The following USP43 variants were observed in gnomAD, a reference collection of about 807,000 sequenced individuals.
USP43 encodes the protein ubiquitin carboxyl-terminal hydrolase 43.
A neutral mutation model predicts 90.7 loss-of-function variants in USP43; 33 were observed. That is an observed-to-expected ratio of 0.36 (90% CI 0.28 to 0.49). The LOEUF (loss-of-function observed/expected upper bound fraction) is 0.49, where lower values mean the gene tolerates loss of function less well. USP43 is among the 20% of genes least tolerant of loss of function. USP43 has a pLI of 0.98. For missense variants in USP43, 1,274 were observed against 1,476.4 expected, an observed-to-expected ratio of 0.86 and a Z score of 2.25; for synonymous variants, 598 against 615.8, an observed-to-expected ratio of 0.97 and a Z score of 0.43.
chr17:9,718,877 G>A (rs1916766479), intron 14 of USP43, among the ~76,000 whole-genome samples: 1 of 151,590 alleles, frequency 6.6e-6, no homozygotes, highest in Non-Finnish European at 1.5e-5. Context: ...CCGTTTCTAT[G>A]CAGGCATACT....
At chr17:9,715,775 A>G (rs111067492) in intron 14 of USP43, among the ~76,000 whole-genome samples, 36 of 62,356 alleles carry the variant, frequency 5.8e-4, no homozygotes, top group African/African-American at 1.0e-3. Flanking sequence ...GTTTGTGTCT[A>G]TGTGTGTGTC....
intron 14 of USP43, among the ~76,000 whole-genome samples, chr17:9,716,965 G>A (rs181793494): frequency 1.3e-3 from 204 of 152,032 alleles, no homozygotes; most frequent in African/African-American, 4.5e-3. Flanking sequence ...GTGAAACCCC[G>A]TCTCTACTAA....
chr17:9,666,820 T>C (rs1201963848), intron 3 of USP43, 69 bp downstream of exon 3: 5 of 1,233,402 alleles, frequency 4.1e-6, no homozygotes, highest in Non-Finnish European at 5.8e-6. Context: ...GTAACCAGTC[T>C]CCCATTGACA....
intron 12 of USP43, among the ~76,000 whole-genome samples, chr17:9,708,257 A>C (rs1301876757): frequency 2.0e-5 from 3 of 152,144 alleles, no homozygotes; most frequent in Admixed American, 2.0e-4. Flanking sequence ...CATTTTTTCC[A>C]AAGGGGTGAT....
rs1917399576 is a variant in USP43, at chr17:9,728,501, G to A, written c.2883G>A (p.Met961Ile). ...TGAACTGGAAGGAGAGCTTCCAGAT[G>A]GGAAGCAAAAGCAGCCCACCCTCCC... ...KAMNWKESFQMGSKSSPPSPY... is the reference protein window; with the variant it reads ...KAMNWKESFQIGSKSSPPSPY... The change falls in exon 15 of 15, where the codon ATG (methionine) becomes ATA (isoleucine). Residue 961 changes from methionine to isoleucine, a missense_variant. By Grantham distance (10) the Met-to-Ile change is conservative. Coordinates refer to ENST00000285199, the MANE Select transcript of USP43 (RefSeq NM_153210.5). This position sits in a 1 kb window ranked among gnomAD's most constrained non-coding sequence, Gnocchi z 6.2. The A allele has an allele frequency of 1.2e-6, 2 of 1,613,732 alleles. No homozygotes were observed. Among genetic ancestry groups the A allele is most frequent in the African/African-American group, 1.3e-5 (1 of 74,938 alleles).
At chr17:9,675,547 G>T (rs896205246) in intron 4 of USP43, among the ~76,000 whole-genome samples, 2 of 152,120 alleles carry the variant, frequency 1.3e-5, no homozygotes, top group African/African-American at 4.8e-5. Context: ...TCAGTGTCCT[G>T]GCATGTGGGT....
intron 3 of USP43, 126 bp downstream of exon 3, chr17:9,666,877 C>T (rs1293316114): frequency 4.2e-6 from 3 of 718,284 alleles, no homozygotes; most frequent in Non-Finnish European, 7.3e-6. Flanking sequence ...ACACCCTTCT[C>T]TCTCCCATTA....
At chr17:9,652,215 A>G (rs1597810764) in intron 1 of USP43, among the ~76,000 whole-genome samples, 2 of 148,508 alleles carry the variant, frequency 1.3e-5, no homozygotes, top group Admixed American at 1.3e-4. Context: ...CTTAGCGCAA[A>G]AAAAAAAAAA....
At chr17:9,721,792 C>T (rs1001318406) in intron 14 of USP43, among the ~76,000 whole-genome samples, 3 of 144,810 alleles carry the variant, frequency 2.1e-5, no homozygotes, top group Admixed American at 7.1e-5. Context: ...GGTGTGATCT[C>T]GGCTCGCTGC....
At chr17:9,669,039 T>C (rs1913224415) in intron 3 of USP43, among the ~76,000 whole-genome samples, 1 of 150,906 alleles carries the variant, frequency 6.6e-6, no homozygotes, top group Non-Finnish European at 1.5e-5. Context: ...AGAGATGGGG[T>C]TTTACCATGT....
chr17:9,653,552 C>T (rs911811554), intron 1 of USP43, among the ~76,000 whole-genome samples: 4 of 151,272 alleles, frequency 2.6e-5, no homozygotes, highest in Non-Finnish European at 5.9e-5. Context: ...CGTGCCATTG[C>T]ACTCCAGCTG....
intron 2 of USP43, among the ~76,000 whole-genome samples, chr17:9,656,822 G>A (rs763665702): frequency 7.9e-5 from 12 of 152,156 alleles, no homozygotes; most frequent in East Asian, 1.9e-4. Flanking sequence ...TTTGTATTCC[G>A]TACATTAGTG....
intron 14 of USP43, among the ~76,000 whole-genome samples, chr17:9,727,060 C>T (rs1917308986): frequency 6.6e-6 from 1 of 152,020 alleles, no homozygotes; most frequent in Non-Finnish European, 1.5e-5. Context: ...TCCACCTCCA[C>T]CTCCCGGGTT....
intron 1 of USP43, among the ~76,000 whole-genome samples, chr17:9,651,592 G>T (rs943664723): frequency 2.6e-5 from 4 of 152,062 alleles, no homozygotes; most frequent in Admixed American, 2.6e-4. Flanking sequence ...GGAAGATTTC[G>T]ATTTATTTAT....
chr17:9,671,536 CA>C (rs1354616659), intron 3 of USP43, among the ~76,000 whole-genome samples: 1 of 152,180 alleles, frequency 6.6e-6, no homozygotes, highest in Non-Finnish European at 1.5e-5. Flanking sequence ...ACAAGAAATT[CA>C]GGGGCAAAGC....
Position 9,676,892 on chromosome 17 carries a change from A to G in USP43, c.969+11A>G. ...GTCCCTGCAGATGAGGTGTGATAGA[A>G]TTGCACTGGGGCCTGGTCATTGGAT... On this transcript the variant is annotated intron_variant, in intron 5 of 14. Transcript: ENST00000285199. 1 of 1,612,432 alleles carries G rather than the reference A, an allele frequency of 6.2e-7. No homozygotes were observed. The highest frequency in any genetic ancestry group is 8.5e-7 in the Non-Finnish European group (1 of 1,179,120).
At chr17:9,678,765 A>G (rs1202414444) in intron 5 of USP43, among the ~76,000 whole-genome samples, 2 of 149,158 alleles carry the variant, frequency 1.3e-5, no homozygotes, top group Non-Finnish European at 1.5e-5. Context: ...CTTTTAGAAG[A>G]TGATTCTTTT....
intron 1 of USP43, chr17:9,646,979 C>T (rs1326245176): frequency 2.7e-5 from 4 of 147,926 alleles, no homozygotes; most frequent in African/African-American, 1.0e-4. Context: ...TCACTTCACC[C>T]GGGATTAAAA....
Position 9,656,416 on chromosome 17 carries a change from A to G in USP43, c.518A>G (p.Lys173Arg). Residue 173 changes from lysine to arginine, a missense_variant, in exon 2 of 15, where the codon AAG becomes AGG. Physicochemically the swap from Lys to Arg is conservative, Grantham distance 26. Around this residue, in one of 6 missense-constraint regions of USP43, gnomAD observed 259 missense variants for 373.7 expected, o/e 0.69. Transcript: ENST00000285199. The part of the protein sequence containing the change: ...LSAEFKNAVS[K>R]YGSQFQGNSQ... ...TTTTCCTTTCAGAATGCAGTTTCCA[A>G]GTACGGCTCTCAGTTCCAAGGCAAT... 6.2e-7 allele frequency: 1 copy of G among 1,611,290 alleles called. No homozygotes were observed. The highest frequency in any genetic ancestry group is 8.5e-7 in the Non-Finnish European group (1 of 1,178,844).
Sources: allele counts gnomAD v4.1 joint callset (sites outside exome capture counted in the v4.1 genomes callset), GRCh38; gene constraint gnomAD v4.1.1; regional missense constraint gnomAD v4.1.1; non-coding constraint Gnocchi (gnomAD v3.1); transcripts MANE v1.5; gene names NCBI Gene and HGNC (gene_info 2026-07-23, HGNC 2026-07-21).